The following AKAP19 variants were observed in gnomAD, a reference collection of about 807,000 sequenced individuals.
AKAP19 encodes A-kinase anchoring protein 19.
chr2:189,897,085 G>C, the AKAP19 span, among the ~76,000 whole-genome samples: 1 of 152,008 alleles, frequency 6.6e-6, no homozygotes, highest in Admixed American at 6.6e-5. Context: ...ATGTTGAATG[G>C]GGATAATGTT....
At chr2:190,026,661 CT>C in the AKAP19 span, among the ~76,000 whole-genome samples, 1 of 152,130 alleles carries the variant, frequency 6.6e-6, no homozygotes, top group African/African-American at 2.4e-5. Flanking sequence ...ATGACAGAAT[CT>C]ACCAGAAATC....
the AKAP19 span, among the ~76,000 whole-genome samples, chr2:190,119,783 A>G: frequency 6.6e-6 from 1 of 152,222 alleles, no homozygotes; most frequent in African/African-American, 2.4e-5. Context: ...CATTCTGAAA[A>G]AAACAGATAT....
the AKAP19 span, among the ~76,000 whole-genome samples, chr2:189,895,635 G>A: frequency 6.6e-6 from 1 of 152,112 alleles, no homozygotes; most frequent in Non-Finnish European, 1.5e-5. Flanking sequence ...CAAAGGAGAA[G>A]CATCATGGGA....
At chr2:190,066,463 T>G in the AKAP19 span, among the ~76,000 whole-genome samples, 3 of 152,098 alleles carry the variant, frequency 2.0e-5, no homozygotes, top group Non-Finnish European at 2.9e-5. Context: ...ATTCAACAGT[T>G]TTGGGCAAAA....
chr2:189,923,340 C>T, the AKAP19 span: 4 of 1,611,188 alleles, frequency 2.5e-6, no homozygotes, highest in South Asian at 1.1e-5. Flanking sequence ...AACACAATGG[C>T]CAGCAACGTT....
chr2:190,133,115 G>A, the AKAP19 span, among the ~76,000 whole-genome samples: 4 of 151,734 alleles, frequency 2.6e-5, no homozygotes, highest in Non-Finnish European at 5.9e-5. Context: ...GCGGGCGCCT[G>A]TAGTGCCAGC....
the AKAP19 span, among the ~76,000 whole-genome samples, chr2:190,052,404 CTTGA>C: frequency 6.6e-6 from 1 of 152,128 alleles, no homozygotes; most frequent in Non-Finnish European, 1.5e-5. Context: ...GTGTTTTATG[CTTGA>C]TTGTCACCTT....
At chr2:190,115,154 A>AGTGT in the AKAP19 span, among the ~76,000 whole-genome samples, 30 of 130,412 alleles carry the variant, frequency 2.3e-4, no homozygotes, top group South Asian at 1.1e-3. Flanking sequence ...TGTGTGTGTG[A>AGTGT]GTGTGTGTGT....
the AKAP19 span, chr2:190,200,226 A>AAGTACAAATAACTATCTGGATTT: frequency 1.8e-6 from 2 of 1,141,588 alleles, no homozygotes; most frequent in East Asian, 4.7e-5. Context: ...TGGTGTGAAA[A>AAGTACAAATAACTATCTGGATTT]AGTACAAATA....
chr2:189,972,572 C>A, the AKAP19 span, among the ~76,000 whole-genome samples: 1 of 152,160 alleles, frequency 6.6e-6, no homozygotes, highest in Non-Finnish European at 1.5e-5. Context: ...TTACCTTGGG[C>A]AGTATGGCCA....
chr2:190,087,130 T>C, the AKAP19 span, among the ~76,000 whole-genome samples: 1 of 152,234 alleles, frequency 6.6e-6, no homozygotes, highest in Non-Finnish European at 1.5e-5. Context: ...GCATTATATA[T>C]TAGTTGCTGG....
At chr2:190,142,095 T>C in the AKAP19 span, among the ~76,000 whole-genome samples, 138,707 of 152,190 alleles carry the variant, frequency 0.91, 64,112 homozygotes, top group East Asian at 1. Context: ...CAGGCTTGTT[T>C]TGTGCAGACT....
At chr2:190,126,366 A>G in the AKAP19 span, among the ~76,000 whole-genome samples, 1 of 147,454 alleles carries the variant, frequency 6.8e-6, no homozygotes, top group Non-Finnish European at 1.5e-5. Context: ...TATAGGTACA[A>G]TTTTCTTAAC....
At chr2:190,038,938 T>TTCC in the AKAP19 span, among the ~76,000 whole-genome samples, 15 of 137,772 alleles carry the variant, frequency 1.1e-4, no homozygotes, top group African/African-American at 4.6e-4. Flanking sequence ...CTTCTTCTTC[T>TTCC]TCTTCTTCTT....
At chr2:190,081,985 C>G in the AKAP19 span, among the ~76,000 whole-genome samples, 1 of 152,162 alleles carries the variant, frequency 6.6e-6, no homozygotes, top group Non-Finnish European at 1.5e-5. Flanking sequence ...TCTGAAGACT[C>G]TACCACTGAT....
At chr2:190,057,743 C>G in the AKAP19 span, 151 of 1,228,468 alleles carry the variant, frequency 1.2e-4, 1 homozygote, top group Admixed American at 1.8e-4. Context: ...TAATTTTGCT[C>G]ATACCACATT....
chr2:189,922,659 C>CCTT, the AKAP19 span, among the ~76,000 whole-genome samples: 1 of 152,184 alleles, frequency 6.6e-6, no homozygotes, highest in South Asian at 2.1e-4. Flanking sequence ...CAACATCCTG[C>CCTT]CTTCTTTTAG....
the AKAP19 span, chr2:190,056,085 A>G: frequency 6.6e-6 from 1 of 152,386 alleles, no homozygotes; most frequent in African/African-American, 2.4e-5. Context: ...GTAAAAAAAT[A>G]TAAAATGATT....
the AKAP19 span, among the ~76,000 whole-genome samples, chr2:190,118,520 T>C: frequency 6.6e-6 from 1 of 152,192 alleles, no homozygotes; most frequent in Admixed American, 6.5e-5. Context: ...TTATCCACCA[T>C]GATCAAGTGG....
Sources: allele counts gnomAD v4.1 joint callset (sites outside exome capture counted in the v4.1 genomes callset), GRCh38; gene constraint gnomAD v4.1.1; transcripts MANE v1.5; gene names NCBI Gene and HGNC (gene_info 2026-07-23, HGNC 2026-07-21).